Variants in ARHGEF26 observed in about 807,000 individuals in gnomAD.
The protein encoded by ARHGEF26 is Rho guanine nucleotide exchange factor 26, also known as Rho guanine nucleotide exchange factor (GEF) 26.
In ARHGEF26, 59 loss-of-function variants were observed where a neutral mutation model predicts 89.4. That is an observed-to-expected ratio of 0.66 (90% confidence interval 0.54 to 0.82). ARHGEF26 has a LOEUF of 0.82. Ranked by LOEUF, ARHGEF26 falls within the 40% of genes least tolerant of loss-of-function variation. The pLI, the probability that ARHGEF26 is intolerant of heterozygous loss-of-function variation, is 0.00. For missense variants in ARHGEF26, 1,234 were observed against 1,085.6 expected (o/e 1.14, Z -1.92); for synonymous variants, 500 against 428.4 (o/e 1.17, Z -2.06).
At chr3:154,121,342 C>A (rs1217585730), upstream of ARHGEF26, 7 of 146,676 alleles carry the variant, frequency 4.8e-5, no homozygotes, top group East Asian at 8.0e-4. Context: ...TGGGCGGGGC[C>A]GAAACGGGGG....
chr3:154,209,912 G>T (rs560751223), intron 9 of ARHGEF26, among the ~76,000 whole-genome samples: 1 of 152,296 alleles, frequency 6.6e-6, no homozygotes, highest in East Asian at 1.9e-4. Context: ...AACCTCAGAA[G>T]TCTACTTGGC....
In ARHGEF26 at chr3:154,257,103, A is replaced by G. The variant is rs1407261058; in HGVS notation, c.*1630A>G. ...CCAAATTGTAAAGCTACAGAAGCCCAGTTGAGGGGTAAGTGTGCCTGGCTC... is the reference window on the plus strand; with the variant it reads ...CCAAATTGTAAAGCTACAGAAGCCCGGTTGAGGGGTAAGTGTGCCTGGCTC... On this transcript the variant is annotated 3_prime_UTR_variant, in exon 15 of 15. Transcript: ENST00000465093. The G allele has an allele frequency of 4.2e-6, 5 of 1,194,104 alleles. No individual in the cohort carries two copies. In the African/African-American group the frequency reaches 6.2e-5, roughly 15 times the overall value. The allele number at this position is 1,194,104 out of a possible 1,614,324, so 74.0% of individuals were successfully genotyped here.
At chr3:154,219,670 G>A (rs941719195) in intron 10 of ARHGEF26, among the ~76,000 whole-genome samples, 1 of 151,572 alleles carries the variant, frequency 6.6e-6, no homozygotes, top group Non-Finnish European at 1.5e-5. Flanking sequence ...CTAACCCCAA[G>A]GATCATTAAA....
chr3:154,158,994 G>C (rs557859308), intron 6 of ARHGEF26, among the ~76,000 whole-genome samples: 2 of 152,140 alleles, frequency 1.3e-5, no homozygotes, highest in South Asian at 4.2e-4. Flanking sequence ...TATTAGGAAA[G>C]AAAATTGTCT....
chr3:154,202,959 C>G (rs1238412992), intron 9 of ARHGEF26, among the ~76,000 whole-genome samples: 1 of 152,126 alleles, frequency 6.6e-6, no homozygotes, highest in East Asian at 1.9e-4. Context: ...GACAATTTGA[C>G]TTCCTGTTTT....
intron 14 of ARHGEF26, 46 bp downstream of exon 14, chr3:154,254,870 A>G (rs1304500165): frequency 1.3e-6 from 2 of 1,510,810 alleles, no homozygotes; most frequent in Non-Finnish European, 1.8e-6. Context: ...CAGGATGCAG[A>G]GTGCTATAGA....
intron 10 of ARHGEF26, among the ~76,000 whole-genome samples, chr3:154,223,865 C>A (rs1716293635): frequency 6.6e-6 from 1 of 152,018 alleles, no homozygotes; most frequent in Admixed American, 6.6e-5. Context: ...TAAATTTTAT[C>A]TCAACATTAA....
intron 12 of ARHGEF26, among the ~76,000 whole-genome samples, chr3:154,246,545 A>G (rs978718254): frequency 6.6e-6 from 1 of 152,200 alleles, no homozygotes; most frequent in East Asian, 1.9e-4. Context: ...TTGGTCTGCA[A>G]TGGATTCAAG....
rs749198070 is a variant in ARHGEF26 at position 154,122,180 on chromosome 3, A to G, written c.188A>G (p.Gln63Arg). Residue 63 changes from glutamine (Q) to arginine (R), a missense_variant, in exon 2 of 15, where the codon CAG (glutamine) becomes CGG (arginine). Coordinates refer to ENST00000465093, the MANE Select transcript of ARHGEF26 (RefSeq NM_015595.4). ...GACGGAGGGACGCTCCTCGCAGCGC[A>G]GATTCCCGCCCAGGTGCCCACCGCC... ...VEDGGTLLAA[Q>R]IPAQVPTASD... 1.2e-6 allele frequency: 2 copies of G among 1,600,144 alleles called. No homozygotes were observed. Among genetic ancestry groups the G allele is most frequent in the African/African-American group, 1.3e-5 (1 of 74,616 alleles).
chr3:154,148,281 C>T (rs746555851), intron 4 of ARHGEF26, among the ~76,000 whole-genome samples: 17 of 152,152 alleles, frequency 1.1e-4, no homozygotes, highest in Non-Finnish European at 1.2e-4. Flanking sequence ...GAAGGCTTCC[C>T]GGAATCTCTT....
At chr3:154,155,044 A>G (rs1527802) in intron 6 of ARHGEF26, among the ~76,000 whole-genome samples, 27,063 of 151,878 alleles carry the variant, frequency 0.18, 2,921 homozygotes, top group East Asian at 0.36. Context: ...GAATAGATGA[A>G]TGCTTGCTTC....
At chr3:154,130,947 C>T (rs1468883573) in intron 4 of ARHGEF26, among the ~76,000 whole-genome samples, 1 of 152,088 alleles carries the variant, frequency 6.6e-6, no homozygotes, top group African/African-American at 2.4e-5. Flanking sequence ...GAGACAACTT[C>T]TGCTTCAAGC....
chr3:154,178,758 G>T (rs1006967129), intron 6 of ARHGEF26, among the ~76,000 whole-genome samples: 2 of 152,086 alleles, frequency 1.3e-5, no homozygotes, highest in Non-Finnish European at 2.9e-5. Context: ...GGAATTGAAG[G>T]GTCATATGGA....
At position 154,256,932 on chromosome 3, in the gene ARHGEF26, A is replaced by AG. The variant is rs780965083; in HGVS notation, c.*1465dup. 8.9e-5 allele frequency: 137 copies of AG among 1,534,684 alleles called. 3 individuals carry two copies. The highest frequency in any genetic ancestry group is 4.9e-4 in the South Asian group (41 of 83,914). The stretch of plus-strand genomic sequence containing the variant: ...TGGAGATGAAGGATGGGAGATTAAG[A>AG]GGGGGGAAATGATTTTTACTGGCAG... On this transcript the variant is annotated 3_prime_UTR_variant, in exon 15 of 15. Transcript: ENST00000465093.
rs149363752 is a variant in ARHGEF26, at chr3:154,176,883, A to G, written c.1488-10802A>G. 3.3e-5 allele frequency among the ~76,000 whole-genome samples: 5 copies of G among 152,268 alleles called. No individual in the cohort carries two copies. In the East Asian group the frequency reaches 7.7e-4, roughly 23 times the overall value. ...AGTCTCGAACTCCTGGGCTTAAACA[A>G]TCCTCTTGCCTCAGTCTCCTGAATA... On this transcript the variant is annotated intron_variant, in intron 6 of 14. Coordinates refer to ENST00000465093, the MANE Select transcript of ARHGEF26 (RefSeq NM_015595.4).
At chr3:154,161,127 T>G (rs892976409) in intron 6 of ARHGEF26, among the ~76,000 whole-genome samples, 42 of 151,940 alleles carry the variant, frequency 2.8e-4, no homozygotes, top group African/African-American at 9.7e-4. Context: ...TGTGTGTGTG[T>G]GTGTGTGTGT....
At chr3:154,150,212 A>G (rs1719939940) in intron 5 of ARHGEF26, among the ~76,000 whole-genome samples, 1 of 151,430 alleles carries the variant, frequency 6.6e-6, no homozygotes, top group Non-Finnish European at 1.5e-5. Flanking sequence ...TTCAAGTTTA[A>G]AAAAAATAAT....
At chr3:154,174,863 G>T (rs1272165587) in intron 6 of ARHGEF26, among the ~76,000 whole-genome samples, 1 of 151,804 alleles carries the variant, frequency 6.6e-6, no homozygotes, top group Non-Finnish European at 1.5e-5. Flanking sequence ...ATTTGAGTTG[G>T]CTTGGCAAAG....
Position 154,152,786 on chromosome 3 carries a change from C to T in ARHGEF26, c.1341C>T (p.Val447=), listed in dbSNP as rs768176615. 14 of 1,523,742 alleles carry T rather than the reference C, an allele frequency of 9.2e-6. No homozygotes were observed. In the East Asian group the frequency reaches 2.7e-4, roughly 29 times the overall value. 94.4% of individuals were successfully genotyped at this position (1,523,742 alleles called of 1,614,324 possible). A position where few individuals can be genotyped will look rare whatever the true frequency, so the allele number is the denominator to read the frequency against. ...ERKRQEAIFE[V]ISSEHSYLLS... Reference sequence around the variant, plus strand: ...CTTCTTACCAGGCTATCTTTGAAGTCATATCCTCTGAACATTCATATTTAC... The same window carrying T: ...CTTCTTACCAGGCTATCTTTGAAGTTATATCCTCTGAACATTCATATTTAC... Residue 447 remains valine, a synonymous_variant, in exon 6 of 15, where the codon GTC becomes GTT. Coordinates refer to ENST00000465093, the MANE Select transcript of ARHGEF26 (RefSeq NM_015595.4).
Sources: allele counts gnomAD v4.1 joint callset (sites outside exome capture counted in the v4.1 genomes callset), GRCh38; gene constraint gnomAD v4.1.1; transcripts MANE v1.5; gene names NCBI Gene and HGNC (gene_info 2026-07-23, HGNC 2026-07-21).